The following AFG2A variants were observed in gnomAD, a reference collection of about 807,000 sequenced individuals.
AFG2A encodes the protein ATPase family gene 2 protein homolog A.
At chr4:123,010,009 A>G in the AFG2A span, among the ~76,000 whole-genome samples, 1 of 152,252 alleles carries the variant, frequency 6.6e-6, no homozygotes, top group African/African-American at 2.4e-5. Flanking sequence ...ATCTTTCTGG[A>G]GACAACAGGG....
chr4:123,178,596 A>G, the AFG2A span, among the ~76,000 whole-genome samples: 2 of 152,302 alleles, frequency 1.3e-5, no homozygotes, highest in South Asian at 4.2e-4. Context: ...TCAGACTTGC[A>G]GGTTTGAACT....
chr4:123,039,610 T>C, the AFG2A span, among the ~76,000 whole-genome samples: 1 of 151,990 alleles, frequency 6.6e-6, no homozygotes, highest in Non-Finnish European at 1.5e-5. Flanking sequence ...TTTGACTTTA[T>C]ATTATGTTAT....
the AFG2A span, among the ~76,000 whole-genome samples, chr4:123,093,895 A>G: frequency 6.6e-6 from 1 of 152,208 alleles, no homozygotes; most frequent in African/African-American, 2.4e-5. Flanking sequence ...AATTACAATT[A>G]TAAGGAAGAG....
the AFG2A span, among the ~76,000 whole-genome samples, chr4:123,205,793 A>G: frequency 1.3e-5 from 2 of 152,036 alleles, no homozygotes; most frequent in South Asian, 2.1e-4. Flanking sequence ...ATGTCTCAAT[A>G]AGTGTTTTAA....
At chr4:123,029,845 C>G in the AFG2A span, among the ~76,000 whole-genome samples, 7 of 152,036 alleles carry the variant, frequency 4.6e-5, no homozygotes, top group Non-Finnish European at 1.0e-4. Context: ...ACTGTGTTGC[C>G]CAGGCTGGTC....
the AFG2A span, among the ~76,000 whole-genome samples, chr4:123,186,759 G>A: frequency 1.6e-3 from 248 of 152,240 alleles, 1 homozygote; most frequent in Middle Eastern, 0.014. Context: ...GAGGTTGGTG[G>A]TGTGCAGTGT....
chr4:123,088,042 G>A, the AFG2A span, among the ~76,000 whole-genome samples: 1 of 152,134 alleles, frequency 6.6e-6, no homozygotes, highest in South Asian at 2.1e-4. Flanking sequence ...CCCATTAACT[G>A]TAGCATAAAA....
At chr4:123,228,425 A>AG in the AFG2A span, among the ~76,000 whole-genome samples, 1 of 151,730 alleles carries the variant, frequency 6.6e-6, no homozygotes, top group African/African-American at 2.4e-5. Flanking sequence ...AAGCAACTGG[A>AG]GAAAAAAAAA....
chr4:123,312,173 A>G, the AFG2A span, among the ~76,000 whole-genome samples: 6 of 152,236 alleles, frequency 3.9e-5, no homozygotes, highest in Non-Finnish European at 8.8e-5. Flanking sequence ...ATAGCAAATG[A>G]AATAGTACAG....
chr4:123,030,086 C>G, the AFG2A span, among the ~76,000 whole-genome samples: 1 of 152,116 alleles, frequency 6.6e-6, no homozygotes. Flanking sequence ...CTCTCATCTC[C>G]ATTTTTTCTG....
At chr4:123,242,049 A>G in the AFG2A span, among the ~76,000 whole-genome samples, 1 of 152,150 alleles carries the variant, frequency 6.6e-6, no homozygotes, top group African/African-American at 2.4e-5. Flanking sequence ...AAAATAAGAT[A>G]CCTAGGAATC....
At chr4:123,309,113 T>C in the AFG2A span, among the ~76,000 whole-genome samples, 1 of 152,236 alleles carries the variant, frequency 6.6e-6, no homozygotes, top group Non-Finnish European at 1.5e-5. Flanking sequence ...TCCCAAAGTA[T>C]GTGCCAAAGA....
At chr4:123,007,656 C>CAT in the AFG2A span, among the ~76,000 whole-genome samples, 2 of 63,930 alleles carry the variant, frequency 3.1e-5, no homozygotes, top group Admixed American at 3.4e-4. Flanking sequence ...CACACACACA[C>CAT]ACACACACAC....
the AFG2A span, among the ~76,000 whole-genome samples, chr4:123,055,688 G>GTGCA: frequency 3.3e-5 from 5 of 152,184 alleles, no homozygotes; most frequent in Non-Finnish European, 7.4e-5. Flanking sequence ...GTATGTGTTT[G>GTGCA]TGCATGCATG....
chr4:122,936,543 G>A, the AFG2A span, among the ~76,000 whole-genome samples: 2 of 152,120 alleles, frequency 1.3e-5, no homozygotes, highest in African/African-American at 4.8e-5. Flanking sequence ...CAAATCTTTT[G>A]CCCATTAAAT....
chr4:123,085,840 TTAGAC>T, the AFG2A span, among the ~76,000 whole-genome samples: 1 of 152,104 alleles, frequency 6.6e-6, no homozygotes, highest in Admixed American at 6.5e-5. Flanking sequence ...ATCTCTTTTC[TTAGAC>T]TGTTAAGTTT....
At chr4:123,073,080 G>A in the AFG2A span, among the ~76,000 whole-genome samples, 4 of 151,680 alleles carry the variant, frequency 2.6e-5, no homozygotes, top group Admixed American at 2.6e-4. Flanking sequence ...TACTGTCTTA[G>A]CATTTTCAAA....
At chr4:123,011,618 C>T in the AFG2A span, among the ~76,000 whole-genome samples, 1 of 152,220 alleles carries the variant, frequency 6.6e-6, no homozygotes, top group South Asian at 2.1e-4. Context: ...ATCGAAAGTG[C>T]CATTTTCTGG....
chr4:123,268,408 T>C, the AFG2A span, among the ~76,000 whole-genome samples: 1 of 152,196 alleles, frequency 6.6e-6, no homozygotes, highest in African/African-American at 2.4e-5. Context: ...TGGTAACATC[T>C]GACTAATAGA....
Sources: gnomAD v4.1 joint callset for allele counts (sites outside exome capture counted in the v4.1 genomes callset) on GRCh38, gnomAD v4.1.1 for gene constraint, MANE v1.5 for transcripts, NCBI Gene and HGNC (gene_info 2026-07-23, HGNC 2026-07-21) for gene names.